The following CANX variants were observed in gnomAD, a reference collection of about 807,000 sequenced individuals.
The protein encoded by CANX is calnexin.
A neutral mutation model predicts 75.7 loss-of-function variants in CANX; 14 were observed. The observed-to-expected ratio is 0.19, with a 90% CI of 0.12 to 0.29. The LOEUF (loss-of-function observed/expected upper bound fraction) is 0.29, where lower values mean the gene tolerates loss of function less well. Ranked by LOEUF, CANX falls within the 10% of genes least tolerant of loss-of-function variation. CANX has a pLI of 1.00. For synonymous variants in CANX, 227 were observed against 236.9 expected (o/e 0.96, Z 0.38); for missense variants, 567 against 713.2 (o/e 0.79, Z 2.34).
intron 1 of CANX, among the ~76,000 whole-genome samples, chr5:179,689,837 G>T (rs1258178470): frequency 6.6e-6 from 1 of 152,076 alleles, no homozygotes; most frequent in African/African-American, 2.4e-5. Context: ...CCTTGATTTT[G>T]AGGACATTTA....
At position 179,731,365 on chromosome 5, in the gene CANX, A is replaced by G. The variant is rs1425656725; in HGVS notation, c.*2721A>G. Reference sequence around the variant, plus strand: ...AGCCCAGTTTTTTATGTGCTATTAAATTTTTAGATTACATACTAAAGAAAA... The same window carrying G: ...AGCCCAGTTTTTTATGTGCTATTAAGTTTTTAGATTACATACTAAAGAAAA... On this transcript the variant is annotated 3_prime_UTR_variant, in exon 15 of 15. Transcript: ENST00000247461. 6.6e-6 allele frequency among the ~76,000 whole-genome samples: 1 copy of G among 152,082 alleles called. No individual in the cohort carries two copies. Among genetic ancestry groups the G allele is most frequent in the Non-Finnish European group, 1.5e-5 (1 of 68,002 alleles).
In CANX at chr5:179,709,874, A is replaced by T; in HGVS notation, c.530A>T (p.Asp177Val). 2 of 1,573,918 alleles carry T rather than the reference A, an allele frequency of 1.3e-6. No homozygotes were observed. Among genetic ancestry groups the T allele is most frequent in the Non-Finnish European group, 1.7e-6 (2 of 1,164,012 alleles). ...LLSKTPELNLDQFHDKTPYTI... is the reference protein window; with the variant it reads ...LLSKTPELNLVQFHDKTPYTI... Reference sequence around the variant, plus strand: ...AATAATCCTTTTTTGTTTTTGAAGGATCAGTTCCATGACAAGACCCCTTAT... The same window carrying T: ...AATAATCCTTTTTTGTTTTTGAAGGTTCAGTTCCATGACAAGACCCCTTAT... Residue 177 changes from aspartate (D) to valine (V), a missense_variant and splice_region_variant, in exon 7 of 15, where the codon GAT becomes GTT. By Grantham distance (152) the Asp-to-Val change is radical. Around this residue, in one of 3 missense-constraint regions of CANX, gnomAD observed 351 missense variants for 433.8 expected, o/e 0.81. Coordinates refer to ENST00000247461, the MANE Select transcript of CANX (RefSeq NM_001746.4).
chr5:179,698,921 G>T, upstream of CANX: 1 of 1,153,556 alleles, frequency 8.7e-7, no homozygotes, highest in South Asian at 1.7e-5. Context: ...GGGGCCAGGG[G>T]CGGGCACAGG....
chr5:179,711,902 A>C (rs533336109), intron 7 of CANX, among the ~76,000 whole-genome samples: 3 of 151,958 alleles, frequency 2.0e-5, no homozygotes, highest in African/African-American at 7.2e-5. Context: ...GTTCAAGACC[A>C]GCCTGGCCAA....
intron 1 of CANX, among the ~76,000 whole-genome samples, chr5:179,703,682 A>G (rs569952250): frequency 7.1e-6 from 1 of 140,814 alleles, no homozygotes; most frequent in South Asian, 2.3e-4. Context: ...GGCTATGTTT[A>G]TGTTGGCCAG....
chr5:179,707,898 G>A (rs908415880), intron 4 of CANX, among the ~76,000 whole-genome samples: 7 of 152,062 alleles, frequency 4.6e-5, no homozygotes, highest in African/African-American at 1.7e-4. Context: ...ATAGAGTGGC[G>A]TGATCTTGGC....
chr5:179,718,659 G>A (rs1406687083), intron 8 of CANX, among the ~76,000 whole-genome samples: 1 of 152,202 alleles, frequency 6.6e-6, no homozygotes, highest in African/African-American at 2.4e-5. Context: ...CTCCTGAGTA[G>A]CTGGGATTAC....
In CANX at chr5:179,723,714, G is replaced by T. The variant is rs374190394; in HGVS notation, c.1453G>T (p.Val485Leu). The change falls in exon 12 of 15, where the codon GTA (valine) becomes TTA (leucine). Residue 485 changes from valine (V) to leucine (L), a missense_variant. This residue lies in a region of CANX where 167 missense variants were observed against 179.3 expected (regional missense o/e 0.93). Coordinates refer to ENST00000247461, the MANE Select transcript of CANX (RefSeq NM_001746.4). ...AGCTGAAGAGCGCCCGTGGCTGTGG[G>T]TAGTCTATATTCTAACTGTAGCCCT... Reference protein sequence around the residue: ...EAAEERPWLWVVYILTVALPV... With the variant: ...EAAEERPWLWLVYILTVALPV... 4 of 1,613,530 alleles carry T rather than the reference G, an allele frequency of 2.5e-6. No homozygotes were observed. The highest frequency in any genetic ancestry group is 3.4e-6 in the Non-Finnish European group (4 of 1,179,716).
rs1778437967 is a variant in CANX at position 179,723,396 on chromosome 5, T to A, written c.1399-264T>A. 1.1e-5 allele frequency: 5 copies of A among 448,456 alleles called. No homozygotes were observed. The South Asian group carries it at 2.1e-4, about 18-fold the overall frequency. 27.8% of individuals were successfully genotyped at this position (448,456 alleles called of 1,614,324 possible). On this transcript the variant is annotated intron_variant, in intron 11 of 14. Coordinates refer to ENST00000247461, the MANE Select transcript of CANX (RefSeq NM_001746.4). ...AGCCAGGGATACTGAGATAAGAAATTCACTGGATCCTGAGGTTAAGGGAGC... is the reference window on the plus strand; with the variant it reads ...AGCCAGGGATACTGAGATAAGAAATACACTGGATCCTGAGGTTAAGGGAGC...
intron 1 of CANX, among the ~76,000 whole-genome samples, chr5:179,685,038 AAAGT>A (rs1776165880): frequency 6.7e-6 from 1 of 148,344 alleles, no homozygotes; most frequent in Non-Finnish European, 1.5e-5. Context: ...TCTACCTCCC[AAAGT>A]GCTGGGATTA....
At chr5:179,715,060 C>T (rs1048594931) in intron 7 of CANX, among the ~76,000 whole-genome samples, 3 of 152,210 alleles carry the variant, frequency 2.0e-5, no homozygotes, top group African/African-American at 4.8e-5. Flanking sequence ...CCACCACACC[C>T]GTTTCTTAAC....
At position 179,705,751 on chromosome 5, in the gene CANX, CATG is replaced by C. The variant is rs1252582866; in HGVS notation, c.80_82del (p.Asp27del). On this transcript the variant is annotated inframe_deletion, in exon 2 of 15. Coordinates refer to ENST00000247461, the MANE Select transcript of CANX (RefSeq NM_001746.4). ...TGCTATTGTTGAGGCTCATGATGGA[CATG>C]ATGATGATGTGATTGATATTGAGGA... 6 of 1,608,990 alleles carry C rather than the reference CATG, an allele frequency of 3.7e-6. No individual in the cohort carries two copies. The highest frequency in any genetic ancestry group is 5.1e-6 in the Non-Finnish European group (6 of 1,175,462).
chr5:179,685,769 G>C (rs2113035871), intron 1 of CANX, among the ~76,000 whole-genome samples: 1 of 151,838 alleles, frequency 6.6e-6, no homozygotes, highest in East Asian at 1.9e-4. Flanking sequence ...TGGCAAGGCT[G>C]GTCTCAAACT....
chr5:179,692,896 C>G (rs1390499584), intron 1 of CANX, among the ~76,000 whole-genome samples: 1 of 152,070 alleles, frequency 6.6e-6, no homozygotes, highest in Non-Finnish European at 1.5e-5. Context: ...CCTGTAATCC[C>G]AGCACTTTGG....
chr5:179,722,992 G>T lies in CANX; in HGVS notation c.1371G>T (p.Leu457=), dbSNP rs1212225354. ...ATTGGGCCAATGATGGATGGGGCCT[G>T]AAGAAAGCTGCTGATGGGGCTGCTG... ...VDDWANDGWG[L]KKAADGAAEP... Residue 457 remains leucine, a synonymous_variant, in exon 11 of 15, where the codon CTG becomes CTT. Transcript: ENST00000247461. 1 of 1,614,122 alleles carries T rather than the reference G, an allele frequency of 6.2e-7. No homozygotes were observed. Among genetic ancestry groups the T allele is most frequent in the South Asian group, 1.1e-5 (1 of 91,078 alleles).
At position 179,705,674 on chromosome 5, in the gene CANX, T is replaced by C. The variant is rs375199457; in HGVS notation, c.-3-5T>C. 9 of 1,610,142 alleles carry C rather than the reference T, an allele frequency of 5.6e-6. No homozygotes were observed. The African/African-American group carries it at 9.4e-5, about 17-fold the overall frequency. On this transcript the variant is annotated splice_region_variant and splice_polypyrimidine_tract_variant and intron_variant, in intron 1 of 14. Transcript: ENST00000247461. Reference sequence around the variant, plus strand: ...CATTTAACTGATTTTGCTCTTTATGTGTAGATCATGGAAGGGAAGTGGTTG... The same window carrying C: ...CATTTAACTGATTTTGCTCTTTATGCGTAGATCATGGAAGGGAAGTGGTTG...
At chr5:179,710,091 C>T in intron 7 of CANX, 26 bp downstream of exon 7, 1 of 1,340,050 alleles carries the variant, frequency 7.5e-7, no homozygotes, top group Non-Finnish European at 1.1e-6. Flanking sequence ...AGTTTGGGGG[C>T]TTATGGTATT....
At chr5:179,722,691 TG>T (rs1163015395) in intron 10 of CANX, 112 bp from the exon 11 acceptor site, 1 of 653,712 alleles carries the variant, frequency 1.5e-6, no homozygotes, top group Non-Finnish European at 2.7e-6. Context: ...TCAAGTTTCA[TG>T]AAGTTGGCAT....
In CANX at chr5:179,729,953, A is replaced by G. The variant is rs73342141; in HGVS notation, c.*1309A>G. ...TAACAGTTGTGTCATAAATTACACA[A>G]TAAAGCAGTCCTGTTCAAATTTTTT... is the stretch of plus-strand genomic sequence containing the variant. On this transcript the variant is annotated 3_prime_UTR_variant, in exon 15 of 15. Coordinates refer to ENST00000247461, the MANE Select transcript of CANX (RefSeq NM_001746.4). 1.6e-3 allele frequency: 242 copies of G among 152,756 alleles called. 1 individual carries two copies. The highest frequency in any genetic ancestry group is 5.7e-3 in the African/African-American group (236 of 41,570). The allele number at this position is 152,756 out of a possible 1,614,324, so 9.5% of individuals were successfully genotyped here.
Sources: gnomAD v4.1 joint callset for allele counts (sites outside exome capture counted in the v4.1 genomes callset) on GRCh38, gnomAD v4.1.1 for gene constraint, gnomAD v4.1.1 regional missense constraint, MANE v1.5 for transcripts, NCBI Gene and HGNC (gene_info 2026-07-23, HGNC 2026-07-21) for gene names.